Variants in SVEP1 observed in about 807,000 individuals in gnomAD.
The protein encoded by SVEP1 is sushi, von Willebrand factor type A, EGF and pentraxin domain-containing protein 1.
SVEP1 carries 164 observed loss-of-function variants against 367.3 expected under a neutral mutation model. The ratio of observed to expected loss-of-function variants is 0.45; its 90% CI spans 0.39 to 0.51. The LOEUF is 0.51. SVEP1 is among the 20% of genes least tolerant of loss of function. The pLI is 0.00. For missense variants in SVEP1, 4,117 were observed against 4,425.3 expected (o/e 0.93, Z 1.98); for synonymous variants, 1,666 against 1,611.6 (o/e 1.03, Z -0.81).
chr9:110,430,936 A>G (rs4978925), intron 32 of SVEP1, among the ~76,000 whole-genome samples: 22,689 of 152,118 alleles, frequency 0.15, 2,239 homozygotes, highest in East Asian at 0.43. Flanking sequence ...CTCCACTGCT[A>G]TAATAGGAAG....
At chr9:110,414,776 G>T (rs1828092989) in intron 36 of SVEP1, among the ~76,000 whole-genome samples, 1 of 151,720 alleles carries the variant, frequency 6.6e-6, no homozygotes, top group Non-Finnish European at 1.5e-5. Flanking sequence ...AGCCTTAAAA[G>T]AGCAGCCTAC....
chr9:110,479,880 CAA>C, intron 12 of SVEP1, 124 bp from the exon 13 acceptor site: 1 of 1,338,354 alleles, frequency 7.5e-7, no homozygotes, highest in South Asian at 1.4e-5. Context: ...GTTATAAAAA[CAA>C]GAGATGACAG....
At chr9:110,487,892 C>T (rs1829307502) in intron 9 of SVEP1, among the ~76,000 whole-genome samples, 2 of 152,170 alleles carry the variant, frequency 1.3e-5, no homozygotes, top group African/African-American at 4.8e-5. Flanking sequence ...ATGAACCCAA[C>T]CAGCTTGGGT....
At position 110,527,294 on chromosome 9, in the gene SVEP1, T is replaced by C. The variant is rs552490579; in HGVS notation, c.965-13188A>G. Reference sequence around the variant, plus strand: ...AATTATTTCAAAAGAAAAAATGTAATAAAAATTTTTTTTTAAAAGCAGAAA... The same window carrying C: ...AATTATTTCAAAAGAAAAAATGTAACAAAAATTTTTTTTTAAAAGCAGAAA... On this transcript the variant is annotated intron_variant, in intron 3 of 47. Coordinates refer to ENST00000374469, the MANE Select transcript of SVEP1 (RefSeq NM_153366.4). Among the ~76,000 whole-genome samples the C allele has an allele frequency of 8.5e-5, 13 of 152,050 alleles. No individual in the cohort carries two copies. The South Asian group carries it at 2.7e-3, about 32-fold the overall frequency.
Position 110,468,980 on chromosome 9 carries a change from G to A in SVEP1, c.3120C>T (p.Tyr1040=). The change falls in exon 17 of 48, where the codon TAC becomes TAT. Residue 1040 remains tyrosine, a synonymous_variant. Transcript: ENST00000374469. ...TGTTTCTTGAATGGATATATTCCGT[G>A]TACATCCCAGAGGGGCAAAGCTTGC... ...LECKLCPSGM[Y]TEYIHSRNIS... is the part of the protein sequence containing the mutation. The A allele has an allele frequency of 6.2e-7, 1 of 1,613,486 alleles. No individual in the cohort carries two copies. Among genetic ancestry groups the A allele is most frequent in the Non-Finnish European group, 8.5e-7 (1 of 1,179,616 alleles).
At chr9:110,438,514 T>C (rs374942468) in intron 27 of SVEP1, among the ~76,000 whole-genome samples, 11 of 152,304 alleles carry the variant, frequency 7.2e-5, no homozygotes, top group African/African-American at 2.6e-4. Context: ...CTAGCTATGC[T>C]ATTTTAACAC....
chr9:110,534,030 A>T (rs890073067), intron 3 of SVEP1, among the ~76,000 whole-genome samples: 1 of 152,040 alleles, frequency 6.6e-6, no homozygotes, highest in Admixed American at 6.6e-5. Context: ...CCACTTTTTT[A>T]AACTTTTACT....
rs1374751369 is a variant in SVEP1 at position 110,443,644 on chromosome 9, C to A, written c.4540G>T (p.Ala1514Ser). The A allele has an allele frequency of 6.2e-7, 1 of 1,613,094 alleles. No homozygotes were observed. Among genetic ancestry groups the A allele is most frequent in the East Asian group, 2.2e-5 (1 of 44,832 alleles). ...CCATTGGCACTTGTCCAAGTGATTG[C>A]AATATGATGCCATCTGCCATCATTC... ...SVNDGRWHHI[A>S]ITWTSANGIW... is the part of the protein sequence containing the mutation. The change falls in exon 27 of 48, where the codon GCA (alanine) becomes TCA (serine). Residue 1514 changes from alanine to serine, a missense_variant. Transcript: ENST00000374469.
chr9:110,531,085 C>T (rs1466726918), intron 3 of SVEP1, among the ~76,000 whole-genome samples: 1 of 151,984 alleles, frequency 6.6e-6, no homozygotes, highest in East Asian at 1.9e-4. Context: ...TTGGATTTTC[C>T]AAGTGAATGA....
intron 40 of SVEP1, 49 bp downstream of exon 40, chr9:110,400,805 G>C: frequency 6.4e-7 from 1 of 1,551,454 alleles, no homozygotes; most frequent in Non-Finnish European, 8.7e-7. Context: ...GTATCCCCAA[G>C]TATATTGGAA....
chr9:110,440,453 T>G (rs1327297197), intron 27 of SVEP1, among the ~76,000 whole-genome samples: 1 of 152,222 alleles, frequency 6.6e-6, no homozygotes, highest in African/African-American at 2.4e-5. Flanking sequence ...AATAATGTGC[T>G]GTCGACAATA....
intron 1 of SVEP1, among the ~76,000 whole-genome samples, chr9:110,571,803 G>A (rs973702756): frequency 2.0e-5 from 3 of 152,170 alleles, no homozygotes; most frequent in African/African-American, 4.8e-5. Context: ...AGTGCCAGGC[G>A]GGGACTCCAG....
At chr9:110,576,600 A>C (rs1214725279) in intron 1 of SVEP1, among the ~76,000 whole-genome samples, 1 of 152,008 alleles carries the variant, frequency 6.6e-6, no homozygotes, top group Non-Finnish European at 1.5e-5. Flanking sequence ...AAAAAGAATC[A>C]AAGAGACTTC....
intron 6 of SVEP1, among the ~76,000 whole-genome samples, chr9:110,501,626 T>C (rs193166337): frequency 1.3e-5 from 2 of 152,268 alleles, no homozygotes; most frequent in Non-Finnish European, 2.9e-5. Context: ...GTGAGCATAT[T>C]TTTCTTTTGC....
At chr9:110,423,577 A>T (rs1828208812) in intron 36 of SVEP1, among the ~76,000 whole-genome samples, 1 of 152,176 alleles carries the variant, frequency 6.6e-6, no homozygotes, top group Non-Finnish European at 1.5e-5. Flanking sequence ...AGAAACATTA[A>T]GTATGATCTT....
At chr9:110,436,624 G>A in intron 27 of SVEP1, 120 bp from the exon 28 acceptor site, 2 of 1,381,690 alleles carry the variant, frequency 1.4e-6, no homozygotes, top group Non-Finnish European at 9.6e-7. Context: ...TTACTGAAAA[G>A]CAAAATTCTG....
intron 24 of SVEP1, 119 bp from the exon 25 acceptor site, chr9:110,447,176 A>C: frequency 1.1e-6 from 1 of 935,248 alleles, no homozygotes; most frequent in Non-Finnish European, 1.4e-6. Flanking sequence ...TCTACACCAA[A>C]ACAGTGCTTT....
chr9:110,393,188 T>C (rs1480236590), intron 40 of SVEP1, among the ~76,000 whole-genome samples: 1 of 152,200 alleles, frequency 6.6e-6, no homozygotes, highest in African/African-American at 2.4e-5. Context: ...CTTAATAAAT[T>C]GCAAGATTAA....
intron 36 of SVEP1, among the ~76,000 whole-genome samples, chr9:110,413,729 A>T (rs1029048426): frequency 1.3e-5 from 2 of 151,916 alleles, no homozygotes; most frequent in African/African-American, 4.9e-5. Flanking sequence ...AGAACAAAAG[A>T]TTAGGATATA....
Sources: gnomAD v4.1 joint callset for allele counts (sites outside exome capture counted in the v4.1 genomes callset) on GRCh38, gnomAD v4.1.1 for gene constraint, MANE v1.5 for transcripts, NCBI Gene and HGNC (gene_info 2026-07-23, HGNC 2026-07-21) for gene names.